The following LAMA1 variants were observed in gnomAD, a reference collection of about 807,000 sequenced individuals.
LAMA1 encodes the protein laminin subunit alpha 1.
In LAMA1, 219 loss-of-function variants were observed where a neutral mutation model predicts 348.7. The ratio of observed to expected loss-of-function variants is 0.63; its 90% CI spans 0.56 to 0.70. LAMA1 has a LOEUF of 0.70. Ranked by LOEUF, LAMA1 falls within the 30% of genes least tolerant of loss-of-function variation. The pLI is 0.00. For synonymous variants in LAMA1, 1,487 were observed against 1,491.0 expected, an observed-to-expected ratio of 1.00 and a Z score of 0.06; for missense variants, 3,744 against 3,888.0, an observed-to-expected ratio of 0.96 and a Z score of 0.99.
chr18:7,010,746 C>T (rs2057855917), intron 25 of LAMA1, among the ~76,000 whole-genome samples: 1 of 152,094 alleles, frequency 6.6e-6, no homozygotes, highest in Non-Finnish European at 1.5e-5. Flanking sequence ...ACACAGACTC[C>T]AATGTTTATA....
chr18:7,116,424 C>G (rs537528244), intron 1 of LAMA1, among the ~76,000 whole-genome samples: 3 of 152,342 alleles, frequency 2.0e-5, no homozygotes, highest in Admixed American at 2.0e-4. Flanking sequence ...TGGCTCTGCG[C>G]AGCAGACTCG....
At chr18:6,951,693 T>C (rs2057547502) in intron 57 of LAMA1, among the ~76,000 whole-genome samples, 1 of 152,146 alleles carries the variant, frequency 6.6e-6, no homozygotes, top group African/African-American at 2.4e-5. Context: ...CAGGCAGCTG[T>C]TACGACAGCC....
chr18:7,044,982 C>T, intron 6 of LAMA1, 143 bp from the exon 7 acceptor site: 4 of 734,664 alleles, frequency 5.4e-6, no homozygotes, highest in Non-Finnish European at 9.8e-6. Context: ...AGCAAACTGG[C>T]ATTTAATTTT....
chr18:7,103,192 C>A (rs1459860181), intron 1 of LAMA1, among the ~76,000 whole-genome samples: 1 of 151,232 alleles, frequency 6.6e-6, no homozygotes, highest in African/African-American at 2.4e-5. Flanking sequence ...CCGAGGCAGG[C>A]GGATCACGAG....
At chr18:6,964,955 G>A (rs2057625867) in intron 50 of LAMA1, 152 bp from the exon 51 acceptor site, 1 of 931,934 alleles carries the variant, frequency 1.1e-6, no homozygotes, top group Non-Finnish European at 1.7e-6. Flanking sequence ...GCTATTGAAG[G>A]ACAAGTGAAA....
At chr18:7,055,972 C>T (rs540748113) in intron 3 of LAMA1, among the ~76,000 whole-genome samples, 78 of 151,586 alleles carry the variant, frequency 5.1e-4, no homozygotes, top group African/African-American at 1.8e-3. Context: ...CCCAGCTACT[C>T]GAGAAGCTGA....
At chr18:7,009,088 TA>T (rs1198600453) in intron 27 of LAMA1, 150 bp downstream of exon 27, 12 of 835,350 alleles carry the variant, frequency 1.4e-5, no homozygotes, top group Non-Finnish European at 1.8e-5. Context: ...GCACATTCCA[TA>T]ATGATATTAA....
At chr18:7,044,984 T>C (rs1271010837) in intron 6 of LAMA1, 145 bp from the exon 7 acceptor site, 8 of 728,682 alleles carry the variant, frequency 1.1e-5, no homozygotes, top group Non-Finnish European at 2.0e-5. Flanking sequence ...CAAACTGGCA[T>C]TTAATTTTTA....
At chr18:7,094,288 G>C (rs1015971427) in intron 1 of LAMA1, among the ~76,000 whole-genome samples, 7 of 151,820 alleles carry the variant, frequency 4.6e-5, no homozygotes, top group Non-Finnish European at 1.5e-5. Flanking sequence ...GCCGCGCGTG[G>C]TGGCAAGCAC....
chr18:7,109,405 C>T (rs2058326853), intron 1 of LAMA1, among the ~76,000 whole-genome samples: 2 of 152,222 alleles, frequency 1.3e-5, no homozygotes, highest in Admixed American at 1.3e-4. Context: ...TGGCTCATGT[C>T]ATTCTGGACC....
chr18:7,044,938 A>T (rs2058036007), intron 6 of LAMA1, 99 bp from the exon 7 acceptor site: 4 of 878,308 alleles, frequency 4.6e-6, no homozygotes, highest in Non-Finnish European at 7.7e-6. Context: ...ATGTGGCAAG[A>T]ACCTCACAAC....
chr18:7,013,678 G>C, intron 23 of LAMA1, 137 bp downstream of exon 23: 1 of 778,876 alleles, frequency 1.3e-6, no homozygotes, highest in Non-Finnish European at 2.2e-6. Flanking sequence ...AAGAGACTTT[G>C]AACTCAGATG....
Position 6,982,609 on chromosome 18 carries a change from T to C in LAMA1, c.5797-19A>G, listed in dbSNP as rs1202483491. 1.9e-6 allele frequency: 3 copies of C among 1,606,374 alleles called. No individual in the cohort carries two copies. ...CTGAGAGCTGGAAAACAGAACCACTTAAGCGTGGTGAGAGCAGGGCAGGGT... is the reference window on the plus strand; with the variant it reads ...CTGAGAGCTGGAAAACAGAACCACTCAAGCGTGGTGAGAGCAGGGCAGGGT... On this transcript the variant is annotated intron_variant, in intron 40 of 62. Coordinates refer to ENST00000389658, the MANE Select transcript of LAMA1 (RefSeq NM_005559.4).
intron 60 of LAMA1, among the ~76,000 whole-genome samples, chr18:6,947,681 A>G (rs898749058): frequency 1.3e-5 from 2 of 152,130 alleles, no homozygotes; most frequent in African/African-American, 4.8e-5. Context: ...TTTTCCTAGT[A>G]TCTGTGTACT....
chr18:6,964,446 C>T (rs1258309439), intron 51 of LAMA1, among the ~76,000 whole-genome samples: 4 of 152,114 alleles, frequency 2.6e-5, no homozygotes, highest in Admixed American at 1.3e-4. Flanking sequence ...CCTGAGGCGA[C>T]CAGAAGCTAG....
At chr18:6,979,824 G>C (rs28698000) in intron 42 of LAMA1, among the ~76,000 whole-genome samples, 16 of 151,036 alleles carry the variant, frequency 1.1e-4, no homozygotes, top group South Asian at 2.1e-4. Flanking sequence ...GTGTGAACCC[G>C]GGGGGCGGAG....
intron 51 of LAMA1, among the ~76,000 whole-genome samples, chr18:6,963,213 C>T (rs774311808): frequency 6.6e-6 from 1 of 152,180 alleles, no homozygotes; most frequent in Admixed American, 6.5e-5. Flanking sequence ...CTACTGAGAA[C>T]ATCTGTGATA....
intron 7 of LAMA1, among the ~76,000 whole-genome samples, chr18:7,043,809 A>G (rs977646366): frequency 6.6e-6 from 1 of 152,204 alleles, no homozygotes; most frequent in Non-Finnish European, 1.5e-5. Flanking sequence ...TTTTAAAAAC[A>G]GCATTTCTAA....
At position 6,966,252 on chromosome 18, in the gene LAMA1, G is replaced by A; in HGVS notation, c.6945C>T (p.Tyr2315=). The change falls in exon 49 of 63, where the codon TAC becomes TAT. Residue 2315 remains tyrosine, a synonymous_variant. Transcript: ENST00000389658. ...CCGGAAGTGACTTCTCCACGACAGA[G>A]TACCCACTCCCGTCAAAATGGAAGG... ...DPSFHFDGSG[Y]SVVEKSLPAT... 1 of 1,613,942 alleles carries A rather than the reference G, an allele frequency of 6.2e-7. No homozygotes were observed. The highest frequency in any genetic ancestry group is 1.1e-5 in the South Asian group (1 of 91,004).
Sources: gnomAD v4.1 joint callset for allele counts (sites outside exome capture counted in the v4.1 genomes callset) on GRCh38, gnomAD v4.1.1 for gene constraint, MANE v1.5 for transcripts, NCBI Gene and HGNC (gene_info 2026-07-23, HGNC 2026-07-21) for gene names.